TXNRD1: variants seen among roughly 807,000 people sequenced by gnomAD.
TXNRD1 encodes thioredoxin reductase 1.
A neutral mutation model predicts 80.3 loss-of-function variants in TXNRD1; 57 were observed. The ratio of observed to expected loss-of-function variants is 0.71; its 90% confidence interval spans 0.57 to 0.89. The LOEUF is 0.89. Ranked by LOEUF, TXNRD1 falls within the 40% of genes least tolerant of loss-of-function variation. TXNRD1 has a pLI of 0.00. For missense variants in TXNRD1, 730 were observed against 803.0 expected, an observed-to-expected ratio of 0.91 and a Z score of 1.10; for synonymous variants, 291 against 285.2, an observed-to-expected ratio of 1.02 and a Z score of -0.20.
At position 104,349,687 on chromosome 12, in the gene TXNRD1, C is replaced by G. The variant is rs1413372978; in HGVS notation, c.*1266C>G. 1 of 152,402 alleles carries G rather than the reference C, an allele frequency of 6.6e-6. No individual in the cohort carries two copies. Among genetic ancestry groups the G allele is most frequent in the Admixed American group, 6.5e-5 (1 of 15,268 alleles). 9.4% of individuals were successfully genotyped at this position (152,402 alleles called of 1,614,324 possible). ...TGGCTGAGGATTCTATCTCAGCTGTCTTTTCTAACTGTGTAGGTTGAGTTT... is the reference window on the plus strand; with the variant it reads ...TGGCTGAGGATTCTATCTCAGCTGTGTTTTCTAACTGTGTAGGTTGAGTTT... On this transcript the variant is annotated 3_prime_UTR_variant, in exon 17 of 17. Coordinates refer to ENST00000525566, the MANE Select transcript of TXNRD1 (RefSeq NM_001093771.3).
chr12:104,274,089 A>C (rs527733834), intron 3 of TXNRD1, among the ~76,000 whole-genome samples: 11 of 152,204 alleles, frequency 7.2e-5, no homozygotes, highest in South Asian at 4.2e-4. Context: ...AAAACAAAAA[A>C]TCTATAGATA....
chr12:104,287,503 C>G (rs2034015931), intron 3 of TXNRD1: 1 of 1,603,240 alleles, frequency 6.2e-7, no homozygotes, highest in East Asian at 2.2e-5. Context: ...ACTGACAGAT[C>G]CTTGAGAATA....
intron 1 of TXNRD1, among the ~76,000 whole-genome samples, chr12:104,230,930 C>T (rs2032608246): frequency 6.6e-6 from 1 of 152,154 alleles, no homozygotes; most frequent in South Asian, 2.1e-4. Flanking sequence ...TGATGTTTTA[C>T]ACACGTGAGG....
chr12:104,281,053 C>T (rs923917834), intron 3 of TXNRD1, among the ~76,000 whole-genome samples: 2 of 152,132 alleles, frequency 1.3e-5, no homozygotes, highest in Non-Finnish European at 1.5e-5. Flanking sequence ...CTTAGTCAAC[C>T]TCTCCATTTG....
chr12:104,267,201 A>G (rs1040231789), intron 3 of TXNRD1, among the ~76,000 whole-genome samples: 2 of 133,094 alleles, frequency 1.5e-5, no homozygotes, highest in Non-Finnish European at 3.2e-5. Context: ...ATTAATAATA[A>G]TAGGAAGAAA....
At chr12:104,277,738 CTTG>C (rs1248027779) in intron 3 of TXNRD1, among the ~76,000 whole-genome samples, 2 of 151,430 alleles carry the variant, frequency 1.3e-5, no homozygotes, top group African/African-American at 2.4e-5. Context: ...ACCGGATTTA[CTTG>C]TTGTTTTTAC....
intron 14 of TXNRD1, among the ~76,000 whole-genome samples, chr12:104,333,151 G>C (rs2036017362): frequency 6.6e-6 from 1 of 151,888 alleles, no homozygotes; most frequent in Non-Finnish European, 1.5e-5. Flanking sequence ...GTTGTTTACA[G>C]TTTTTCATTA....
chr12:104,258,871 A>G (rs1274574383), intron 3 of TXNRD1, among the ~76,000 whole-genome samples: 1 of 152,166 alleles, frequency 6.6e-6, no homozygotes, highest in Non-Finnish European at 1.5e-5. Flanking sequence ...TCAAGGTTAC[A>G]GTGAGCTATG....
intron 1 of TXNRD1, among the ~76,000 whole-genome samples, chr12:104,236,887 A>G (rs908307179): frequency 3.3e-5 from 5 of 151,876 alleles, no homozygotes; most frequent in African/African-American, 1.2e-4. Context: ...TTTTTCTGGA[A>G]AAAGGCTCTT....
chr12:104,233,251 G>C (rs910104765), intron 1 of TXNRD1, among the ~76,000 whole-genome samples: 11 of 152,156 alleles, frequency 7.2e-5, no homozygotes, highest in African/African-American at 2.2e-4. Flanking sequence ...CTTGACGGAA[G>C]TTAGTTTTTA....
intron 10 of TXNRD1, among the ~76,000 whole-genome samples, chr12:104,323,819 C>A (rs1452920612): frequency 6.6e-6 from 1 of 151,386 alleles, no homozygotes; most frequent in Non-Finnish European, 1.5e-5. Context: ...GACCCCCCCC[C>A]ACCTCCCTCC....
intron 1 of TXNRD1, among the ~76,000 whole-genome samples, chr12:104,224,011 C>T (rs943456683): frequency 6.6e-6 from 1 of 152,184 alleles, no homozygotes; most frequent in African/African-American, 2.4e-5. Context: ...CATAACCATT[C>T]GCACTGGATT....
At chr12:104,309,507 G>T (rs2035050589) in intron 4 of TXNRD1, among the ~76,000 whole-genome samples, 1 of 152,138 alleles carries the variant, frequency 6.6e-6, no homozygotes, top group African/African-American at 2.4e-5. Context: ...TAGAACCATG[G>T]TTTTCATTTA....
At chr12:104,265,747 G>C in intron 3 of TXNRD1, 1 of 1,597,082 alleles carries the variant, frequency 6.3e-7, no homozygotes, top group Non-Finnish European at 8.5e-7. Flanking sequence ...GCAGTTCCAC[G>C]ACTCCAAGAT....
At chr12:104,303,939 A>G in intron 4 of TXNRD1, 1 of 1,594,342 alleles carries the variant, frequency 6.3e-7, no homozygotes, top group Non-Finnish European at 8.5e-7. Context: ...GCGCTGATGA[A>G]GATGGATGTG....
chr12:104,328,571 A>G (rs2035845902), intron 13 of TXNRD1, among the ~76,000 whole-genome samples: 1 of 152,152 alleles, frequency 6.6e-6, no homozygotes, highest in Non-Finnish European at 1.5e-5. Context: ...TCTGGCTAAC[A>G]TGGTGAAACC....
chr12:104,290,714 A>AAT (rs1439546116), intron 4 of TXNRD1, among the ~76,000 whole-genome samples: 4 of 49,154 alleles, frequency 8.1e-5, no homozygotes, highest in Non-Finnish European at 9.0e-5. Context: ...AAAAAAAAGA[A>AAT]ATATACATAT....
chr12:104,341,466 T>G (rs537401909), intron 16 of TXNRD1, among the ~76,000 whole-genome samples: 1 of 152,312 alleles, frequency 6.6e-6, no homozygotes, highest in African/African-American at 2.4e-5. Context: ...AGTTAACAAT[T>G]CTGCCTGACG....
At chr12:104,346,672 A>G (rs1475469884) in intron 16 of TXNRD1, among the ~76,000 whole-genome samples, 1 of 152,106 alleles carries the variant, frequency 6.6e-6, no homozygotes, top group Non-Finnish European at 1.5e-5. Context: ...TTTTTTTTAA[A>G]CAAAGGAATT....
Sources: allele counts gnomAD v4.1 joint callset (sites outside exome capture counted in the v4.1 genomes callset), GRCh38; gene constraint gnomAD v4.1.1; transcripts MANE v1.5; gene names NCBI Gene and HGNC (gene_info 2026-07-23, HGNC 2026-07-21).